CCDC178: variants seen among roughly 807,000 people sequenced by gnomAD.
CCDC178 encodes the protein coiled-coil domain-containing protein 178.
In CCDC178, 126 loss-of-function variants were observed where a neutral mutation model predicts 117.4. The observed-to-expected ratio is 1.07, with a 90% CI of 0.93 to 1.24. The LOEUF is 1.24. Ranked by LOEUF, CCDC178 falls within the 50% of genes most tolerant of loss-of-function variation. CCDC178 has a pLI of 0.00. For synonymous variants in CCDC178, 283 were observed against 313.4 expected (o/e 0.90, Z 1.02); for missense variants, 1,030 against 986.9 (o/e 1.04, Z -0.59).
chr18:33,350,194 A>G (rs977726556), intron 7 of CCDC178, among the ~76,000 whole-genome samples: 1 of 152,082 alleles, frequency 6.6e-6, no homozygotes, highest in African/African-American at 2.4e-5. Flanking sequence ...AAATTATTAT[A>G]CATAATTAGA....
At chr18:33,383,865 G>A (rs1434922722) in intron 5 of CCDC178, among the ~76,000 whole-genome samples, 1 of 152,098 alleles carries the variant, frequency 6.6e-6, no homozygotes, top group Non-Finnish European at 1.5e-5. Flanking sequence ...AGCTGAGATG[G>A]ATGAACTAAC....
chr18:33,238,220 A>T (rs1477514724), intron 15 of CCDC178, among the ~76,000 whole-genome samples: 2 of 152,184 alleles, frequency 1.3e-5, no homozygotes, highest in Non-Finnish European at 2.9e-5. Flanking sequence ...CACAGATACC[A>T]ACATAAGGAA....
intron 21 of CCDC178, among the ~76,000 whole-genome samples, chr18:33,007,753 T>G (rs2055780511): frequency 6.6e-6 from 1 of 152,156 alleles, no homozygotes; most frequent in African/African-American, 2.4e-5. Context: ...TTGATTGGTA[T>G]GACATGACTG....
intron 20 of CCDC178, among the ~76,000 whole-genome samples, chr18:33,156,082 C>CTTTT (rs755685926): frequency 6.2e-4 from 61 of 98,040 alleles, no homozygotes; most frequent in East Asian, 1.1e-3. Context: ...CTAGAAAACA[C>CTTTT]TTTTTTTTTT....
intron 10 of CCDC178, among the ~76,000 whole-genome samples, chr18:33,329,200 G>A (rs2062629994): frequency 6.6e-6 from 1 of 151,814 alleles, no homozygotes; most frequent in African/African-American, 2.4e-5. Flanking sequence ...TGAATTCTTT[G>A]GTATTTTCTA....
intron 21 of CCDC178, among the ~76,000 whole-genome samples, chr18:33,061,327 C>T (rs2144961996): frequency 6.6e-6 from 1 of 151,748 alleles, no homozygotes; most frequent in East Asian, 1.9e-4. Flanking sequence ...TAATCTTATC[C>T]CATTGAAGTA....
At chr18:33,438,741 G>T (rs780480360) in intron 2 of CCDC178, among the ~76,000 whole-genome samples, 2 of 151,920 alleles carry the variant, frequency 1.3e-5, no homozygotes, top group African/African-American at 4.8e-5. Context: ...CAAATTCTTC[G>T]TCTACTTTAA....
intron 20 of CCDC178, among the ~76,000 whole-genome samples, chr18:33,179,397 A>T (rs1423955328): frequency 6.6e-6 from 1 of 151,466 alleles, no homozygotes; most frequent in African/African-American, 2.4e-5. Flanking sequence ...AACTAGTCTT[A>T]ATTCAAATAA....
At chr18:33,087,788 AAGCAATACTAAATACTTAT>A (rs2057403637) in intron 21 of CCDC178, among the ~76,000 whole-genome samples, 1 of 152,218 alleles carries the variant, frequency 6.6e-6, no homozygotes, top group African/African-American at 2.4e-5. Flanking sequence ...GCAGGACAAC[AAGCAATACTAAATACTTAT>A]AAAAATGAGA....
At chr18:33,361,734 A>G (rs1189339779) in intron 6 of CCDC178, among the ~76,000 whole-genome samples, 1 of 151,910 alleles carries the variant, frequency 6.6e-6, no homozygotes, top group Admixed American at 6.6e-5. Flanking sequence ...AAGGAAATGC[A>G]AATTAAAACC....
intron 21 of CCDC178, among the ~76,000 whole-genome samples, chr18:33,028,819 A>C (rs1244126391): frequency 6.6e-6 from 1 of 151,874 alleles, no homozygotes; most frequent in Admixed American, 6.6e-5. Context: ...GTGATGTATT[A>C]CATTAGTTGA....
chr18:33,257,916 C>G (rs2059699194), intron 14 of CCDC178, among the ~76,000 whole-genome samples: 1 of 150,892 alleles, frequency 6.6e-6, no homozygotes, highest in Non-Finnish European at 1.5e-5. Flanking sequence ...TCCTCAAATC[C>G]TCTTCATACC....
At chr18:33,306,495 ATATATATGGTTATATATAATATATGGT>A (rs1568132098) in intron 11 of CCDC178, among the ~76,000 whole-genome samples, 18 of 140,454 alleles carry the variant, frequency 1.3e-4, no homozygotes, top group African/African-American at 4.0e-4. Flanking sequence ...ATATGGTTAT[ATATATATGGTTATATATAATATATGGT>A]TATATATGGT....
intron 21 of CCDC178, among the ~76,000 whole-genome samples, chr18:33,030,196 GA>G (rs1410634274): frequency 1.3e-5 from 2 of 151,980 alleles, no homozygotes; most frequent in African/African-American, 2.4e-5. Flanking sequence ...TCTTCCTGAT[GA>G]ATTAGCACTT....
intron 21 of CCDC178, among the ~76,000 whole-genome samples, chr18:33,068,421 C>T (rs771405808): frequency 1.1e-4 from 17 of 152,048 alleles, no homozygotes; most frequent in Admixed American, 2.6e-4. Flanking sequence ...AAATCTTCAA[C>T]AAAATACTAG....
chr18:33,330,071 C>G (rs565383619), intron 10 of CCDC178, among the ~76,000 whole-genome samples: 70 of 147,786 alleles, frequency 4.7e-4, no homozygotes, highest in Middle Eastern at 7.2e-3. Context: ...TCTAGGTTAT[C>G]TAATTTGTTG....
chr18:33,052,090 T>C (rs1323044781), intron 21 of CCDC178, among the ~76,000 whole-genome samples: 1 of 152,172 alleles, frequency 6.6e-6, no homozygotes, highest in Non-Finnish European at 1.5e-5. Flanking sequence ...AGGAACAGAA[T>C]AAGCTCTGGA....
At chr18:33,338,485 T>C (rs995968143) in intron 9 of CCDC178, among the ~76,000 whole-genome samples, 1 of 152,070 alleles carries the variant, frequency 6.6e-6, no homozygotes, top group Non-Finnish European at 1.5e-5. Context: ...AATGCAAAAA[T>C]ATGGAACCAG....
intron 12 of CCDC178, among the ~76,000 whole-genome samples, chr18:33,269,588 T>G (rs1164990896): frequency 6.6e-6 from 1 of 151,768 alleles, no homozygotes; most frequent in Non-Finnish European, 1.5e-5. Flanking sequence ...GAGATAAATT[T>G]TTTTCAGATT....
Sources: allele counts gnomAD v4.1 joint callset (sites outside exome capture counted in the v4.1 genomes callset), GRCh38; gene constraint gnomAD v4.1.1; transcripts MANE v1.5; gene names NCBI Gene and HGNC (gene_info 2026-07-23, HGNC 2026-07-21).